Variants in TFEC observed in about 807,000 individuals in gnomAD.
The protein encoded by TFEC is transcription factor EC.
Under a neutral mutation model 41.6 loss-of-function variants are expected in TFEC, and 31 were observed. The observed-to-expected ratio is 0.74, with a 90% confidence interval of 0.56 to 1.01. The LOEUF is 1.01. Among genes scored for constraint, TFEC ranks in the 50% least tolerant of loss-of-function variants. The pLI, the probability that TFEC is intolerant of heterozygous loss-of-function variation, is 0.00. For synonymous variants in TFEC, 143 were observed against 140.6 expected (o/e 1.02, Z -0.12); for missense variants, 402 against 404.1 (o/e 0.99, Z 0.04).
In TFEC at chr7:116,062,560, CATATATATATATAT is replaced by C. The variant is rs57742551; in HGVS notation, c.198+48134_198+48147del. On this transcript the variant is annotated intron_variant, in intron 3 of 8. Coordinates refer to the TFEC transcript ENST00000484212. ...TTCCTTTTTATAGCTGAGTAGTACT[CATATATATATATAT>C]ATATATATATATATATATATATATA... Among the ~76,000 whole-genome samples, 85 of 101,706 alleles carry C rather than the reference CATATATATATATAT, an allele frequency of 8.4e-4. 1 individual carries two copies. Among genetic ancestry groups the C allele is most frequent in the African/African-American group, 2.5e-3 (72 of 28,272 alleles). 66.7% of individuals were successfully genotyped at this position (101,706 alleles called of 152,430 possible). A position where few individuals can be genotyped will look rare whatever the true frequency, so the allele number is the denominator to read the frequency against.
At chr7:116,028,080 T>C (rs1489802175) in intron 1 of TFEC, among the ~76,000 whole-genome samples, 1 of 152,176 alleles carries the variant, frequency 6.6e-6, no homozygotes, top group East Asian at 1.9e-4. Context: ...AGATTCTACA[T>C]CTCTATCTTA....
chr7:116,012,733 A>G (rs1009417594), intron 1 of TFEC, among the ~76,000 whole-genome samples: 1 of 151,952 alleles, frequency 6.6e-6, no homozygotes, highest in Non-Finnish European at 1.5e-5. Flanking sequence ...ATATTAAAAA[A>G]TGAATTCATT....
At chr7:116,060,523 AT>A (rs1251875443) in intron 3 of TFEC, among the ~76,000 whole-genome samples, 4 of 152,208 alleles carry the variant, frequency 2.6e-5, no homozygotes, top group Non-Finnish European at 5.9e-5. Context: ...ATGGAATACT[AT>A]GCAGCCCTAT....
rs556317236 is a variant in TFEC, at chr7:116,074,311, T to C, written c.198+36397A>G. Among the ~76,000 whole-genome samples, 11 of 151,776 alleles carry C rather than the reference T, an allele frequency of 7.2e-5. No homozygotes were observed. In the South Asian group the frequency reaches 1.9e-3, roughly 26 times the overall value. On this transcript the variant is annotated intron_variant, in intron 3 of 8. Transcript: ENST00000484212. ...GTCCTCCAAAGAACACCAACAAGAA[T>C]TGAAAAGACAACCCACATAATGGGA...
chr7:116,026,642 T>C (rs138628432), intron 1 of TFEC, among the ~76,000 whole-genome samples: 1 of 152,336 alleles, frequency 6.6e-6, no homozygotes, highest in East Asian at 1.9e-4. Context: ...GGCTTATTCC[T>C]ACTGTAAGAG....
intron 1 of TFEC, among the ~76,000 whole-genome samples, chr7:116,118,735 G>A (rs1450307585): frequency 6.6e-6 from 1 of 151,822 alleles, no homozygotes. Context: ...AACGTGCAAA[G>A]ATACAGTAGG....
rs146466668 is a variant in TFEC at position 116,149,467 on chromosome 7, A to G, written c.-69+10323T>C. On this transcript the variant is annotated intron_variant, in intron 1 of 8. Coordinates refer to the TFEC transcript ENST00000484212. ...AAGGAAATTTAACCAATAGTTTAAA[A>G]TCTTCCCAAAGGATAACCCAAGGCT... 9.0e-4 allele frequency among the ~76,000 whole-genome samples: 137 copies of G among 152,328 alleles called. 2 individuals carry two copies. The East Asian group carries it at 0.02, about 23-fold the overall frequency.
intron 1 of TFEC, among the ~76,000 whole-genome samples, chr7:115,997,992 T>C (rs1371124757): frequency 1.3e-5 from 2 of 152,096 alleles, no homozygotes; most frequent in Non-Finnish European, 2.9e-5. Flanking sequence ...CTAAGAGTTA[T>C]TGGCCTTAAA....
intron 1 of TFEC, among the ~76,000 whole-genome samples, chr7:116,022,676 A>G (rs776688963): frequency 7.2e-5 from 11 of 152,224 alleles, no homozygotes; most frequent in Admixed American, 2.0e-4. Flanking sequence ...CATCTTGTTC[A>G]AATATAGTAT....
At chr7:115,960,338 G>T (rs1792473196) in intron 3 of TFEC, among the ~76,000 whole-genome samples, 2 of 151,606 alleles carry the variant, frequency 1.3e-5, no homozygotes, top group Admixed American at 1.3e-4. Flanking sequence ...ATATTCTTAG[G>T]CATACAATGC....
chr7:116,115,279 T>C (rs975586604), intron 1 of TFEC, among the ~76,000 whole-genome samples: 3 of 152,020 alleles, frequency 2.0e-5, no homozygotes, highest in African/African-American at 7.2e-5. Flanking sequence ...TAAAAAAATT[T>C]ACCAAAAACT....
At chr7:116,131,335 A>G (rs1798328428) in intron 1 of TFEC, among the ~76,000 whole-genome samples, 1 of 152,212 alleles carries the variant, frequency 6.6e-6, no homozygotes, top group Non-Finnish European at 1.5e-5. Flanking sequence ...CAGCCACTGT[A>G]GACTTCCTTC....
intron 6 of TFEC, among the ~76,000 whole-genome samples, chr7:115,944,982 T>A (rs1312812485): frequency 6.7e-6 from 1 of 150,310 alleles, no homozygotes; most frequent in Non-Finnish European, 1.5e-5. Context: ...CGTTAATAGA[T>A]ATGGCACATA....
intron 1 of TFEC, among the ~76,000 whole-genome samples, chr7:115,997,821 CAG>C (rs1454744213): frequency 2.0e-5 from 3 of 152,004 alleles, no homozygotes. Flanking sequence ...AAGAACGCAT[CAG>C]AGTCTCTTAC....
At chr7:116,117,607 T>C (rs974163798) in intron 1 of TFEC, 2 of 151,790 alleles carry the variant, frequency 1.3e-5, no homozygotes, top group Admixed American at 1.3e-4. Flanking sequence ...CGAACTGTTA[T>C]TGACTGATAA....
intron 1 of TFEC, among the ~76,000 whole-genome samples, chr7:115,993,898 G>A (rs1794238507): frequency 6.6e-6 from 1 of 152,286 alleles, no homozygotes; most frequent in African/African-American, 2.4e-5. Flanking sequence ...ACACTGCCAA[G>A]AAAATCCTAA....
intron 3 of TFEC, among the ~76,000 whole-genome samples, chr7:116,049,005 C>T (rs763949392): frequency 6.6e-6 from 1 of 152,154 alleles, no homozygotes; most frequent in East Asian, 1.9e-4. Context: ...AAGGAACAGC[C>T]AGTACCAGCC....
intron 3 of TFEC, among the ~76,000 whole-genome samples, chr7:116,102,037 CAT>C (rs1383428364): frequency 2.0e-5 from 3 of 152,182 alleles, no homozygotes; most frequent in Non-Finnish European, 2.9e-5. Context: ...CGTCCTATCA[CAT>C]GTTCCTCTGT....
intron 1 of TFEC, among the ~76,000 whole-genome samples, chr7:115,998,006 G>A (rs993436862): frequency 6.6e-5 from 10 of 152,110 alleles, no homozygotes; most frequent in Non-Finnish European, 1.3e-4. Flanking sequence ...CCTTAAAGAG[G>A]AGGTAGAGGA....
Sources: gnomAD v4.1 joint callset for allele counts (sites outside exome capture counted in the v4.1 genomes callset) on GRCh38, gnomAD v4.1.1 for gene constraint, MANE v1.5 for transcripts, NCBI Gene and HGNC (gene_info 2026-07-23, HGNC 2026-07-21) for gene names.